Variants in UNC80 observed in about 807,000 individuals in gnomAD.
UNC80 encodes the protein unc-80 subunit of NALCN channel complex, also known as protein unc-80 homolog.
A neutral mutation model predicts 384.6 loss-of-function variants in UNC80; 164 were observed. The observed-to-expected ratio is 0.43, with a 90% confidence interval of 0.38 to 0.49. The LOEUF is 0.49. Among genes scored for constraint, UNC80 ranks in the 20% least tolerant of loss-of-function variants. UNC80 has a pLI of 0.00. For missense variants in UNC80, 3,330 were observed against 4,143.0 expected (o/e 0.80, Z 5.39); for synonymous variants, 1,486 against 1,527.8 (o/e 0.97, Z 0.64).
intron 21 of UNC80, among the ~76,000 whole-genome samples, chr2:209,846,340 T>C (rs140524307): frequency 1.5e-3 from 222 of 152,276 alleles, no homozygotes; most frequent in Non-Finnish European, 2.2e-3. Flanking sequence ...TCATATTCAC[T>C]GAAATTATTT....
At chr2:209,962,023 C>T (rs955116540) in intron 51 of UNC80, among the ~76,000 whole-genome samples, 1 of 152,062 alleles carries the variant, frequency 6.6e-6, no homozygotes, top group Non-Finnish European at 1.5e-5. Flanking sequence ...AGTGAGGAAA[C>T]CCAGCATGGC....
intron 23 of UNC80, among the ~76,000 whole-genome samples, chr2:209,877,529 A>G (rs2109970): frequency 0.18 from 26,904 of 152,146 alleles, 3,336 homozygotes; most frequent in African/African-American, 0.35. Context: ...ACTCATTAGC[A>G]TGACAGTGAC....
At chr2:209,908,268 A>G (rs1309591109) in intron 29 of UNC80, among the ~76,000 whole-genome samples, 1 of 152,210 alleles carries the variant, frequency 6.6e-6, no homozygotes, top group African/African-American at 2.4e-5. Flanking sequence ...TTTTCTTTTT[A>G]ATTGGTTTTT....
intron 56 of UNC80, among the ~76,000 whole-genome samples, chr2:209,974,914 A>G (rs1427344989): frequency 6.6e-6 from 1 of 152,148 alleles, no homozygotes; most frequent in Non-Finnish European, 1.5e-5. Context: ...GAGAAAGAGG[A>G]GTGTTGTTTT....
At chr2:209,957,877 TAG>T (rs1295005700) in intron 49 of UNC80, 141 bp downstream of exon 49, 1 of 779,332 alleles carries the variant, frequency 1.3e-6, no homozygotes, top group African/African-American at 1.8e-5. Flanking sequence ...GGTGAGAGTT[TAG>T]AGTTACAAGA....
rs1399239736 is a variant in UNC80, at chr2:209,789,540, A to T, written c.733A>T (p.Ser245Cys). The T allele has an allele frequency of 1.2e-6, 2 of 1,612,620 alleles. No individual in the cohort carries two copies. Among genetic ancestry groups the T allele is most frequent in the Non-Finnish European group, 8.5e-7 (1 of 1,178,994 alleles). Reference protein sequence around the residue: ...PIRNIITAKRSSPINSQSRTC... With the variant: ...PIRNIITAKRCSPINSQSRTC... ...TTCTTCCGTCTTTTCAGCTAAGAGA[A>T]GTTCTCCTATCAACAGTCAAAGCCG... Residue 245 changes from serine (S) to cysteine (C), a missense_variant, in exon 6 of 65, where the codon AGT becomes TGT. Around this residue, in one of 8 missense-constraint regions of UNC80, gnomAD observed 937 missense variants for 1,026.8 expected, o/e 0.91. Transcript: ENST00000673920.
At chr2:209,931,364 A>ACACACACAC (rs2090852580) in intron 38 of UNC80, among the ~76,000 whole-genome samples, 1 of 125,474 alleles carries the variant, frequency 8.0e-6, no homozygotes, top group Admixed American at 8.1e-5. Flanking sequence ...TCTATGTTTA[A>ACACACACAC]ACACACACAC....
At chr2:209,955,243 C>T (rs1195650173) in intron 48 of UNC80, among the ~76,000 whole-genome samples, 2 of 152,050 alleles carry the variant, frequency 1.3e-5, no homozygotes, top group African/African-American at 2.4e-5. Context: ...CTCCCCCAGC[C>T]CCATCTTGCT....
intron 22 of UNC80, among the ~76,000 whole-genome samples, chr2:209,855,573 T>G (rs1222051185): frequency 6.6e-6 from 1 of 152,228 alleles, no homozygotes; most frequent in Admixed American, 6.5e-5. Context: ...TTCCAGTTTC[T>G]GTGTTCCCTT....
chr2:209,867,402 A>G (rs1574815286), intron 22 of UNC80, among the ~76,000 whole-genome samples: 1 of 151,650 alleles, frequency 6.6e-6, no homozygotes, highest in South Asian at 2.1e-4. Context: ...CATTTTAAAA[A>G]TTATTTTTGG....
At chr2:209,879,607 A>G (rs189975296) in intron 24 of UNC80, among the ~76,000 whole-genome samples, 37 of 152,334 alleles carry the variant, frequency 2.4e-4, no homozygotes, top group Non-Finnish European at 5.3e-4. Context: ...CTGAATGTCT[A>G]GTGTTCAATT....
Position 209,931,061 on chromosome 2 carries a change from T to G in UNC80, c.5994+7T>G. 8 of 1,537,544 alleles carry G rather than the reference T, an allele frequency of 5.2e-6. No individual in the cohort carries two copies. The highest frequency in any genetic ancestry group is 7.0e-6 in the Non-Finnish European group (8 of 1,137,114). ...CATCCTATTCAACTATTTGGTGAGT[T>G]ATAAATGTTCATTTCCAATTACGAA... On this transcript the variant is annotated splice_region_variant and intron_variant, in intron 38 of 64. Transcript: ENST00000673920.
At chr2:209,926,190 T>A (rs2090420887) in intron 35 of UNC80, among the ~76,000 whole-genome samples, 1 of 152,190 alleles carries the variant, frequency 6.6e-6, no homozygotes, top group Non-Finnish European at 1.5e-5. Context: ...TCTCACACAC[T>A]CACATGCACA....
intron 32 of UNC80, among the ~76,000 whole-genome samples, chr2:209,918,172 C>T (rs981894763): frequency 5.3e-5 from 8 of 152,192 alleles, no homozygotes; most frequent in Middle Eastern, 3.4e-3. Flanking sequence ...TCTCTATAAA[C>T]CTCAAAATCT....
chr2:209,917,162 C>A (rs902246817), intron 31 of UNC80, among the ~76,000 whole-genome samples: 1 of 152,150 alleles, frequency 6.6e-6, no homozygotes, highest in Non-Finnish European at 1.5e-5. Flanking sequence ...CCACTGGCTC[C>A]TCTATCTGTG....
intron 61 of UNC80, 147 bp downstream of exon 61, chr2:209,985,059 A>G (rs1367214843): frequency 1.6e-6 from 1 of 640,150 alleles, no homozygotes; most frequent in Non-Finnish European, 2.4e-6. Flanking sequence ...TCATGAACAT[A>G]TGAGCCTGGA....
intron 36 of UNC80, among the ~76,000 whole-genome samples, chr2:209,929,245 C>A (rs2090662659): frequency 4.6e-5 from 7 of 152,082 alleles, no homozygotes. Flanking sequence ...GTTTTTTACC[C>A]ACTTGCTTTC....
rs1575085220 is a variant in UNC80, at chr2:209,939,524, T to C, written c.6518T>C (p.Leu2173Pro). ...EVGRVLFLIS[L>P]TQKIPTAHKQ... is the part of the protein sequence containing the mutation. The stretch of plus-strand genomic sequence containing the variant: ...GGGCGGGTGTTGTTTCTCATCTCCC[T>C]AACCCAGAAGATCCCCACAGCCCAC... Residue 2173 changes from leucine to proline, a missense_variant, in exon 43 of 65, where the codon CTA becomes CCA. Leu to Pro is a moderately conservative substitution (Grantham distance 98). Coordinates refer to ENST00000673920, the MANE Select transcript of UNC80 (RefSeq NM_001371986.1). 2 of 1,551,456 alleles carry C rather than the reference T, an allele frequency of 1.3e-6. No individual in the cohort carries two copies. The highest frequency in any genetic ancestry group is 4.9e-5 in the East Asian group (2 of 40,926).
At chr2:209,994,645 G>T (rs1181289949) in intron 64 of UNC80, among the ~76,000 whole-genome samples, 1 of 152,090 alleles carries the variant, frequency 6.6e-6, no homozygotes, top group Non-Finnish European at 1.5e-5. Flanking sequence ...CATGCTCAAA[G>T]AAAATGCTTA....
Sources: gnomAD v4.1 joint callset for allele counts (sites outside exome capture counted in the v4.1 genomes callset) on GRCh38, gnomAD v4.1.1 for gene constraint, gnomAD v4.1.1 regional missense constraint, MANE v1.5 for transcripts, NCBI Gene and HGNC (gene_info 2026-07-23, HGNC 2026-07-21) for gene names.